Variants in PHIP observed in about 807,000 individuals in gnomAD.
PHIP encodes the protein PHIP subunit of CUL4-Ring ligase complex.
Under a neutral mutation model 236.8 loss-of-function variants are expected in PHIP, and 54 were observed. The observed-to-expected ratio is 0.23, with a 90% CI of 0.18 to 0.29. The LOEUF (loss-of-function observed/expected upper bound fraction) is 0.29, where lower values mean the gene tolerates loss of function less well. PHIP is among the 10% of genes least tolerant of loss of function. The pLI is 1.00. For synonymous variants in PHIP, 756 were observed against 718.9 expected (o/e 1.05, Z -0.83); for missense variants, 1,370 against 2,190.8 (o/e 0.63, Z 7.48).
At chr6:79,014,933 T>C in intron 15 of PHIP, 149 bp downstream of exon 15, 1 of 599,594 alleles carries the variant, frequency 1.7e-6, no homozygotes, top group Admixed American at 2.9e-5. Context: ...TCAATAAAAG[T>C]GTGGAATAAA....
chr6:79,039,181 C>T (rs926009256), intron 7 of PHIP, among the ~76,000 whole-genome samples: 6 of 152,170 alleles, frequency 3.9e-5, no homozygotes, highest in Non-Finnish European at 5.9e-5. Context: ...ATTAGCTCTC[C>T]ATTGCCTTCA....
intron 19 of PHIP, among the ~76,000 whole-genome samples, chr6:78,992,683 C>A (rs1435709624): frequency 1.3e-5 from 2 of 152,118 alleles, no homozygotes; most frequent in Non-Finnish European, 2.9e-5. Context: ...TGTTTTGAAG[C>A]ACCATGAACC....
intron 4 of PHIP, among the ~76,000 whole-genome samples, chr6:79,064,934 C>T (rs1469702709): frequency 6.6e-6 from 1 of 152,136 alleles, no homozygotes; most frequent in Non-Finnish European, 1.5e-5. Flanking sequence ...TTGATGGATC[C>T]TCATGAAAAC....
Position 78,954,796 on chromosome 6 carries a change from A to G in PHIP, c.4053+18T>C. On this transcript the variant is annotated intron_variant, in intron 35 of 39. Coordinates refer to ENST00000275034, the MANE Select transcript of PHIP (RefSeq NM_017934.7). ...TAGCAAACTGACAGGTAAAGAAAAT[A>G]TTTTCAAAAATACTTACTGGATATT... The G allele has an allele frequency of 6.5e-7, 1 of 1,546,334 alleles. No individual in the cohort carries two copies. Among genetic ancestry groups the G allele is most frequent in the Non-Finnish European group, 8.7e-7 (1 of 1,148,912 alleles).
chr6:79,033,000 T>C (rs184386411), intron 7 of PHIP, among the ~76,000 whole-genome samples: 3 of 152,144 alleles, frequency 2.0e-5, no homozygotes, highest in Non-Finnish European at 4.4e-5. Flanking sequence ...CTTGTATATT[T>C]CCATCAGGGT....
At chr6:78,978,462 T>G (rs146442789) in intron 24 of PHIP, 130 bp downstream of exon 24, 11 of 564,408 alleles carry the variant, frequency 1.9e-5, no homozygotes, top group Non-Finnish European at 3.3e-5. Flanking sequence ...TCTCCATACA[T>G]AGATACAAAT....
In PHIP at chr6:78,940,552, T is replaced by TTTTTA. The variant is rs1773442987; in HGVS notation, c.*140_*141insTAAAA. 1 of 164,106 alleles carries TTTTTA rather than the reference T, an allele frequency of 6.1e-6. No homozygotes were observed. 10.2% of individuals were successfully genotyped at this position (164,106 alleles called of 1,614,324 possible). Reference sequence around the variant, plus strand: ...AGTGAAGTGTCTCGTAAGTTTGTTTTTTTTTTTTTTTTTTTTTTTGCAAAT... The same window carrying TTTTTA: ...AGTGAAGTGTCTCGTAAGTTTGTTTTTTTTATTTTTTTTTTTTTTTTTTTGCAAAT... On this transcript the variant is annotated 3_prime_UTR_variant, in exon 40 of 40. Transcript: ENST00000275034.
At chr6:78,969,562 T>A (rs1422215615) in intron 27 of PHIP, among the ~76,000 whole-genome samples, 1 of 152,186 alleles carries the variant, frequency 6.6e-6, no homozygotes, top group South Asian at 2.1e-4. Flanking sequence ...GTTATTAATA[T>A]TTTTATACAA....
At chr6:79,016,868 G>GTACT (rs1770854812) in intron 12 of PHIP, among the ~76,000 whole-genome samples, 1 of 151,866 alleles carries the variant, frequency 6.6e-6, no homozygotes, top group Non-Finnish European at 1.5e-5. Context: ...AGGTCACTAT[G>GTACT]TACTACCCTA....
chr6:78,973,226 C>T (rs1767747787), intron 24 of PHIP, among the ~76,000 whole-genome samples: 1 of 151,940 alleles, frequency 6.6e-6, no homozygotes, highest in African/African-American at 2.4e-5. Flanking sequence ...CAATATTCAA[C>T]ATTCTTAAAG....
chr6:78,971,532 G>A (rs907415926), intron 24 of PHIP, among the ~76,000 whole-genome samples: 1 of 152,144 alleles, frequency 6.6e-6, no homozygotes, highest in African/African-American at 2.4e-5. Context: ...GGGCCAAGAT[G>A]GCCGAATAGG....
intron 6 of PHIP, among the ~76,000 whole-genome samples, chr6:79,044,967 G>T (rs1013360551): frequency 6.6e-6 from 1 of 151,968 alleles, no homozygotes; most frequent in Admixed American, 6.6e-5. Context: ...TGAAAAAAAA[G>T]AATAACCTTT....
In PHIP at chr6:79,004,227, A is replaced by AT. The variant is rs555312076; in HGVS notation, c.1525-370dup. ...AAGCTGACATGTAGCAACTGTACGG[A>AT]TTTTTTGGTAATTCTTGGAAGTAGT... On this transcript the variant is annotated intron_variant, in intron 15 of 39. Transcript: ENST00000275034. Among the ~76,000 whole-genome samples the AT allele has an allele frequency of 5.3e-5, 8 of 152,146 alleles. No individual in the cohort carries two copies. The East Asian group carries it at 1.5e-3, about 29-fold the overall frequency.
chr6:78,972,545 T>G (rs1767665751), intron 24 of PHIP, among the ~76,000 whole-genome samples: 2 of 152,184 alleles, frequency 1.3e-5, no homozygotes, highest in South Asian at 4.1e-4. Context: ...TTTGATGAGC[T>G]GAGAGAAGAA....
intron 8 of PHIP, 23 bp downstream of exon 8, chr6:79,025,917 CAAT>C (rs1562189283): frequency 1.4e-6 from 2 of 1,426,458 alleles, no homozygotes; most frequent in African/African-American, 2.8e-5. Context: ...ACAACAACAA[CAAT>C]GTATAGGGAT....
chr6:79,014,767 T>A (rs1296418480), intron 15 of PHIP, among the ~76,000 whole-genome samples: 9 of 151,802 alleles, frequency 5.9e-5, no homozygotes, highest in Non-Finnish European at 8.9e-5. Context: ...TATAATTTCT[T>A]CACATGGTTT....
At chr6:79,036,729 G>A (rs892229815) in intron 7 of PHIP, among the ~76,000 whole-genome samples, 1 of 151,842 alleles carries the variant, frequency 6.6e-6, no homozygotes, top group African/African-American at 2.4e-5. Context: ...AGACCATCCT[G>A]GCTAACATGG....
rs1562116144 is a variant in PHIP at position 78,947,789 on chromosome 6, A to G, written c.4054-14T>C. The G allele has an allele frequency of 6.3e-7, 1 of 1,589,026 alleles. No homozygotes were observed. On this transcript the variant is annotated splice_polypyrimidine_tract_variant and intron_variant, in intron 35 of 39. Transcript: ENST00000275034. ...GTCTCTGTAGTCCTAGGAGAGGGAAAACAGGTGGTGTTATGATTATTACTA... is the reference window on the plus strand; with the variant it reads ...GTCTCTGTAGTCCTAGGAGAGGGAAGACAGGTGGTGTTATGATTATTACTA...
intron 6 of PHIP, among the ~76,000 whole-genome samples, chr6:79,045,107 A>G (rs1352542400): frequency 6.6e-6 from 1 of 152,216 alleles, no homozygotes; most frequent in Admixed American, 6.5e-5. Context: ...ACTATTGGCT[A>G]TCTATACTAT....
Sources: allele counts gnomAD v4.1 joint callset (sites outside exome capture counted in the v4.1 genomes callset), GRCh38; gene constraint gnomAD v4.1.1; transcripts MANE v1.5; gene names NCBI Gene and HGNC (gene_info 2026-07-23, HGNC 2026-07-21).